PREPL: variants seen among roughly 807,000 people sequenced by gnomAD.
PREPL encodes the protein prolyl endopeptidase like.
Under a neutral mutation model 70.6 loss-of-function variants are expected in PREPL, and 77 were observed. The observed-to-expected ratio is 1.09, with a 90% CI of 0.91 to 1.32. The LOEUF (loss-of-function observed/expected upper bound fraction) is 1.32. PREPL is among the 40% of genes most tolerant of loss of function. The pLI is 0.00. For synonymous variants in PREPL, 315 were observed against 264.8 expected, an observed-to-expected ratio of 1.19 and a Z score of -1.84; for missense variants, 1,002 against 778.2, an observed-to-expected ratio of 1.29 and a Z score of -3.42.
rs1188421831 is a variant in PREPL at position 44,332,525 on chromosome 2, C to G, written c.1020G>C (p.Glu340Asp). Residue 340 changes from glutamate (E) to aspartate (D), a missense_variant, in exon 8 of 14, where the codon GAG becomes GAC. Glu to Asp is a conservative substitution (Grantham distance 45). Transcript: ENST00000409411. ...TYKFAEGKLFEETGHEDPITK... is the reference protein window; with the variant it reads ...TYKFAEGKLFDETGHEDPITK... ...TGATTGGGTCTTCATGCCCAGTTTC[C>G]TCAAACAGTTTGCCTTCTGCAAACT... 3.1e-6 allele frequency: 5 copies of G among 1,613,982 alleles called. No homozygotes were observed. The highest frequency in any genetic ancestry group is 2.2e-5 in the East Asian group (1 of 44,878).
chr2:44,319,653 A>G lies in PREPL; in HGVS notation c.*1703T>C, dbSNP rs1443607428. 5.2e-5 allele frequency: 8 copies of G among 152,966 alleles called. No individual in the cohort carries two copies. Among genetic ancestry groups the G allele is most frequent in the Non-Finnish European group, 1.2e-4 (8 of 68,636 alleles). 9.5% of individuals were successfully genotyped at this position (152,966 alleles called of 1,614,324 possible). On this transcript the variant is annotated 3_prime_UTR_variant, in exon 14 of 14. Transcript: ENST00000409411. ...AAAAAGTCTACAATTTCTAACTTTC[A>G]CCTTAGGCAGCTTTTTATTTTGCAT...
intron 1 of PREPL, among the ~76,000 whole-genome samples, chr2:44,351,166 C>T (rs1445829874): frequency 3.3e-5 from 5 of 151,318 alleles, no homozygotes; most frequent in South Asian, 2.1e-4. Flanking sequence ...AACTCCTGAC[C>T]TCAGGTGAAC....
At chr2:44,331,395 T>C (rs2103820812) in intron 8 of PREPL, among the ~76,000 whole-genome samples, 1 of 152,132 alleles carries the variant, frequency 6.6e-6, no homozygotes, top group Non-Finnish European at 1.5e-5. Flanking sequence ...TTTGTATTTT[T>C]AGTAGAGATG....
chr2:44,342,796 T>A (rs1338769155), intron 4 of PREPL, among the ~76,000 whole-genome samples: 1 of 152,168 alleles, frequency 6.6e-6, no homozygotes, highest in South Asian at 2.1e-4. Context: ...TACTCAGGTT[T>A]CTAAATAAGA....
chr2:44,342,600 TAAAA>T, intron 4 of PREPL, 48 bp from the exon 5 acceptor site: 82 of 949,340 alleles, frequency 8.6e-5, no homozygotes, highest in South Asian at 2.5e-4. Flanking sequence ...TACACTCCAT[TAAAA>T]AAAAAAAAAA....
intron 1 of PREPL, among the ~76,000 whole-genome samples, chr2:44,358,770 T>C (rs1677330897): frequency 1.3e-5 from 2 of 152,214 alleles, no homozygotes; most frequent in South Asian, 2.1e-4. Context: ...ACTCTGACAG[T>C]GTCTTCCTGA....
rs756800901 is a variant in PREPL at position 44,338,358 on chromosome 2, G to A, written c.881C>T (p.Ser294Phe). 19 of 1,610,720 alleles carry A rather than the reference G, an allele frequency of 1.2e-5. No individual in the cohort carries two copies. The South Asian group carries it at 2.0e-4, about 17-fold the overall frequency. ...VIGLADDSVR[S>F]LKLPPWACGF... Reference sequence around the variant, plus strand: ...TCTGAAAATTAAACATACCTTTAGAGACCGAACTGAATCATCAGCCAGACC... The same window carrying A: ...TCTGAAAATTAAACATACCTTTAGAAACCGAACTGAATCATCAGCCAGACC... The change falls in exon 7 of 14, where the codon TCT (serine) becomes TTT (phenylalanine). Residue 294 changes from serine (S) to phenylalanine (F), a missense_variant. Physicochemically the swap from Ser to Phe is radical, Grantham distance 155. Transcript: ENST00000409411.
rs1672903556 is a variant in PREPL, at chr2:44,321,128, A to C, written c.*228T>G. 2.0e-6 allele frequency: 1 copy of C among 509,386 alleles called. No individual in the cohort carries two copies. Among genetic ancestry groups the C allele is most frequent in the Non-Finnish European group, 3.6e-6 (1 of 281,266 alleles). The allele number at this position is 509,386 out of a possible 1,614,324, so 31.6% of individuals were successfully genotyped here. ...CCCTCTACTCCACATCCTTCTAAGG[A>C]GCATGATTTGAAAATTACTTTCCTA... On this transcript the variant is annotated 3_prime_UTR_variant, in exon 14 of 14. Coordinates refer to ENST00000409411, the MANE Select transcript of PREPL (RefSeq NM_001171613.2).
intron 7 of PREPL, among the ~76,000 whole-genome samples, chr2:44,336,784 C>T (rs866426356): frequency 1.3e-5 from 2 of 152,118 alleles, no homozygotes; most frequent in African/African-American, 4.8e-5. Context: ...ACAATAAGGA[C>T]ATCCCTCCAA....
At chr2:44,349,161 T>G (rs567035293) in intron 1 of PREPL, among the ~76,000 whole-genome samples, 2 of 152,230 alleles carry the variant, frequency 1.3e-5, no homozygotes, top group Non-Finnish European at 2.9e-5. Context: ...GTGTTAACTT[T>G]ATCATGGCAA....
At chr2:44,358,766 A>C (rs771902631) in intron 1 of PREPL, among the ~76,000 whole-genome samples, 45 of 152,200 alleles carry the variant, frequency 3.0e-4, no homozygotes, top group Non-Finnish European at 6.0e-4. Context: ...CAATACTCTG[A>C]CAGTGTCTTC....
Position 44,329,036 on chromosome 2 carries a change from T to A in PREPL, c.1163A>T (p.His388Leu), listed in dbSNP as rs368353936. 1.2e-6 allele frequency: 2 copies of A among 1,613,510 alleles called. No individual in the cohort carries two copies. Among genetic ancestry groups the A allele is most frequent in the Non-Finnish European group, 1.7e-6 (2 of 1,179,418 alleles). Residue 388 changes from histidine to leucine, a missense_variant, in exon 9 of 14, where the codon CAT becomes CTT. Physicochemically the swap from His to Leu is moderately conservative, Grantham distance 99. Coordinates refer to ENST00000409411, the MANE Select transcript of PREPL (RefSeq NM_001171613.2). ...ATCCATTCCATAAGCTCCATATACA[T>A]GTACCAAGAGAGGTTTCTTCTGCAA... ...EDLQKKPLLV[H>L]VYGAYGMDLK... is the part of the protein sequence containing the mutation.
intron 7 of PREPL, among the ~76,000 whole-genome samples, chr2:44,333,867 T>A (rs545521287): frequency 5.9e-5 from 9 of 152,276 alleles, no homozygotes; most frequent in African/African-American, 2.2e-4. Context: ...ACAAACCTCA[T>A]AACCAGGCCT....
At position 44,343,919 on chromosome 2, in the gene PREPL, A is replaced by G. The variant is rs1675496129; in HGVS notation, c.175T>C (p.Leu59=). 4 of 1,614,042 alleles carry G rather than the reference A, an allele frequency of 2.5e-6. No homozygotes were observed. The highest frequency in any genetic ancestry group is 3.4e-6 in the Non-Finnish European group (4 of 1,179,944). ...GGCTGGTCTAACTTAAGTTCCTCCA[A>G]ATTGAATAAAACTTCATAATTATCA... is the stretch of plus-strand genomic sequence containing the variant. ...DNDNYEVLFN[L]EELKLDQPFI... Residue 59 remains leucine, a synonymous_variant, in exon 4 of 14, where the codon TTG becomes CTG. Coordinates refer to ENST00000409411, the MANE Select transcript of PREPL (RefSeq NM_001171613.2).
chr2:44,325,265 A>C (rs529311826), intron 10 of PREPL, among the ~76,000 whole-genome samples: 1 of 152,332 alleles, frequency 6.6e-6, no homozygotes, highest in South Asian at 2.1e-4. Flanking sequence ...TAGTGATTCA[A>C]AGAAGCAGTG....
Position 44,321,151 on chromosome 2 carries a change from C to T in PREPL, c.*205G>A, listed in dbSNP as rs1672905804. Reference sequence around the variant, plus strand: ...GGAGCATGATTTGAAAATTACTTTCCTAGGTTAATGGGCATGTGCATCAAT... The same window carrying T: ...GGAGCATGATTTGAAAATTACTTTCTTAGGTTAATGGGCATGTGCATCAAT... On this transcript the variant is annotated 3_prime_UTR_variant, in exon 14 of 14. Coordinates refer to ENST00000409411, the MANE Select transcript of PREPL (RefSeq NM_001171613.2). 1.8e-6 allele frequency: 1 copy of T among 547,244 alleles called. No individual in the cohort carries two copies. Among genetic ancestry groups the T allele is most frequent in the Admixed American group, 3.2e-5 (1 of 31,464 alleles). 33.9% of individuals were successfully genotyped at this position (547,244 alleles called of 1,614,324 possible).
chr2:44,360,602 T>TAA (rs1677622084), intron 1 of PREPL: 1 of 152,232 alleles, frequency 6.6e-6, no homozygotes, highest in Non-Finnish European at 1.5e-5. Flanking sequence ...TAATAAGTAG[T>TAA]TAAGAGTCAG....
At chr2:44,333,389 G>T (rs1674313788) in intron 7 of PREPL, among the ~76,000 whole-genome samples, 3 of 152,142 alleles carry the variant, frequency 2.0e-5, no homozygotes, top group Admixed American at 1.3e-4. Flanking sequence ...ACTCTGGTAA[G>T]CAGGTTGACA....
chr2:44,343,502 T>C (rs1675443732), intron 4 of PREPL, among the ~76,000 whole-genome samples: 1 of 152,204 alleles, frequency 6.6e-6, no homozygotes, highest in Admixed American at 6.6e-5. Context: ...CAAAACATAT[T>C]GTATGACATG....
Sources: gnomAD v4.1 joint callset for allele counts (sites outside exome capture counted in the v4.1 genomes callset) on GRCh38, gnomAD v4.1.1 for gene constraint, MANE v1.5 for transcripts, NCBI Gene and HGNC (gene_info 2026-07-23, HGNC 2026-07-21) for gene names.